The following NAV3 variants were observed in gnomAD, a reference collection of about 807,000 sequenced individuals.
NAV3 encodes the protein pore membrane and/or filament interacting like protein 1.
NAV3 carries 87 observed loss-of-function variants against 244.7 expected under a neutral mutation model. The observed-to-expected ratio is 0.36, with a 90% confidence interval of 0.30 to 0.42. The LOEUF (loss-of-function observed/expected upper bound fraction) is 0.42. Ranked by LOEUF, NAV3 falls within the 20% of genes least tolerant of loss-of-function variation. NAV3 has a pLI of 1.00. For missense variants in NAV3, 2,663 were observed against 2,893.3 expected (o/e 0.92, Z 1.83); for synonymous variants, 1,126 against 1,042.2 (o/e 1.08, Z -1.55).
At chr12:77,719,620 C>G (rs984415517) in intron 2 of NAV3, among the ~76,000 whole-genome samples, 1 of 151,906 alleles carries the variant, frequency 6.6e-6, no homozygotes, top group Admixed American at 6.6e-5. Context: ...ATGTTCAACC[C>G]ACCTTGTATC....
intron 1 of NAV3, among the ~76,000 whole-genome samples, chr12:77,891,647 T>C (rs1883951945): frequency 6.6e-6 from 1 of 152,182 alleles, no homozygotes; most frequent in Non-Finnish European, 1.5e-5. Context: ...GTCATAGAAA[T>C]CACAGACAGG....
chr12:77,975,091 G>A (rs970619485), intron 5 of NAV3, among the ~76,000 whole-genome samples: 1 of 152,032 alleles, frequency 6.6e-6, no homozygotes, highest in South Asian at 2.1e-4. Context: ...ATAATGCTCA[G>A]TCCTTTGTAT....
intron 39 of NAV3, among the ~76,000 whole-genome samples, chr12:78,207,942 A>C (rs1014423784): frequency 1.3e-5 from 2 of 152,208 alleles, no homozygotes; most frequent in Non-Finnish European, 2.9e-5. Context: ...AGATGGTACC[A>C]GTGATGATAA....
chr12:77,657,878 G>A (rs985472498), intron 2 of NAV3, among the ~76,000 whole-genome samples: 1 of 152,170 alleles, frequency 6.6e-6, no homozygotes, highest in Non-Finnish European at 1.5e-5. Context: ...CTCACTAGAT[G>A]CAGAAAAGGC....
At position 77,929,294 on chromosome 12, in the gene NAV3, AATTTTTAGAGTTCC is replaced by A. The variant is rs572617000; in HGVS notation, c.244-11007_244-10994del. Among the ~76,000 whole-genome samples the A allele has an allele frequency of 1.0e-3, 157 of 152,240 alleles. 2 individuals carry two copies. The East Asian group carries it at 0.024, about 23-fold the overall frequency. ...TATATTTTCTTAAAACCTAAAAACC[AATTTTTAGAGTTCC>A]ATTTTTAGAGTTCCATTCCATTAGC... On this transcript the variant is annotated intron_variant, in intron 1 of 39. Coordinates refer to ENST00000397909, the MANE Select transcript of NAV3 (RefSeq NM_001024383.2).
intron 23 of NAV3, 62 bp from the exon 24 acceptor site, chr12:78,168,693 G>T: frequency 9.4e-7 from 1 of 1,066,292 alleles, no homozygotes; most frequent in South Asian, 1.5e-5. Context: ...ATTCAACTAT[G>T]AGCAGGGAGA....
intron 1 of NAV3, among the ~76,000 whole-genome samples, chr12:77,873,398 A>T (rs1881285542): frequency 6.6e-6 from 1 of 151,920 alleles, no homozygotes; most frequent in South Asian, 2.1e-4. Context: ...AAATGTGACA[A>T]ATCGTTACTT....
rs1294090512 is a variant in NAV3 at position 77,948,347 on chromosome 12, C to T, written c.414+7214C>T. On this transcript the variant is annotated intron_variant, in intron 3 of 39. Transcript: ENST00000397909. ...TGGAATAAAGTAACGGTTTGAATTA[C>T]AGATTTTTTCTTTGCTTTTGAAGAG... Among the ~76,000 whole-genome samples the T allele has an allele frequency of 8.6e-5, 13 of 152,028 alleles. 1 individual carries two copies. The East Asian group carries it at 1.7e-3, about 20-fold the overall frequency.
At chr12:77,844,468 G>A (rs1185166329) in intron 1 of NAV3, among the ~76,000 whole-genome samples, 1 of 152,192 alleles carries the variant, frequency 6.6e-6, no homozygotes, top group African/African-American at 2.4e-5. Context: ...CAAAGCATGA[G>A]CTAATATTTG....
At chr12:77,880,129 C>G (rs1247994409) in intron 1 of NAV3, among the ~76,000 whole-genome samples, 2 of 152,110 alleles carry the variant, frequency 1.3e-5, no homozygotes, top group Non-Finnish European at 2.9e-5. Flanking sequence ...AATAGGGGCC[C>G]AAGCCTTCTC....
chr12:78,172,901 G>A (rs1485261098), intron 24 of NAV3, among the ~76,000 whole-genome samples: 2 of 151,496 alleles, frequency 1.3e-5, no homozygotes, highest in Non-Finnish European at 3.0e-5. Flanking sequence ...TGATGATGAA[G>A]TTTGCCTTTT....
At chr12:77,591,743 T>G (rs77270375) in intron 2 of NAV3, among the ~76,000 whole-genome samples, 3 of 152,330 alleles carry the variant, frequency 2.0e-5, no homozygotes, top group Admixed American at 2.0e-4. Flanking sequence ...CCCATGTATT[T>G]ATATTAAGAT....
intron 2 of NAV3, among the ~76,000 whole-genome samples, chr12:77,726,002 T>G (rs1876860044): frequency 6.6e-6 from 1 of 151,936 alleles, no homozygotes; most frequent in African/African-American, 2.4e-5. Context: ...AAGAACACTT[T>G]TAATTACATT....
At chr12:77,669,258 A>G (rs1873854176) in intron 2 of NAV3, among the ~76,000 whole-genome samples, 1 of 152,144 alleles carries the variant, frequency 6.6e-6, no homozygotes, top group South Asian at 2.1e-4. Context: ...TTAAAGCATA[A>G]ATCTCACAGG....
intron 12 of NAV3, among the ~76,000 whole-genome samples, chr12:78,095,298 A>G (rs928753049): frequency 1.6e-4 from 24 of 152,130 alleles, no homozygotes. Context: ...ATTGACTTCT[A>G]TAAATGTCCT....
intron 1 of NAV3, among the ~76,000 whole-genome samples, chr12:77,852,377 A>C (rs1189383886): frequency 2.6e-5 from 4 of 152,120 alleles, no homozygotes; most frequent in Non-Finnish European, 5.9e-5. Context: ...TCTACTAAAA[A>C]TACAAAACTT....
At chr12:77,611,174 T>C (rs1017786818) in intron 2 of NAV3, among the ~76,000 whole-genome samples, 1 of 151,978 alleles carries the variant, frequency 6.6e-6, no homozygotes, top group Non-Finnish European at 1.5e-5. Context: ...AACAAAATTA[T>C]GTTAACTAGG....
At chr12:77,616,911 A>T (rs1871163885) in intron 2 of NAV3, among the ~76,000 whole-genome samples, 1 of 152,178 alleles carries the variant, frequency 6.6e-6, no homozygotes. Flanking sequence ...ATAGACTTGA[A>T]TTACTGATTA....
intron 1 of NAV3, among the ~76,000 whole-genome samples, chr12:77,859,745 ATGCTTTC>A (rs1878950299): frequency 1.1e-5 from 1 of 90,616 alleles, no homozygotes. Flanking sequence ...AGCATTTCCC[ATGCTTTC>A]AAATGCAAAA....
Sources: allele counts gnomAD v4.1 joint callset (sites outside exome capture counted in the v4.1 genomes callset), GRCh38; gene constraint gnomAD v4.1.1; transcripts MANE v1.5; gene names NCBI Gene and HGNC (gene_info 2026-07-23, HGNC 2026-07-21).